ADGRF3: variants seen among roughly 807,000 people sequenced by gnomAD.
ADGRF3 encodes the protein adhesion G protein-coupled receptor F3.
Under a neutral mutation model 93.2 loss-of-function variants are expected in ADGRF3, and 85 were observed. That is an observed-to-expected ratio of 0.91 (90% CI 0.77 to 1.09). The LOEUF (loss-of-function observed/expected upper bound fraction) is 1.09, where lower values mean the gene tolerates loss of function less well. Among genes scored for constraint, ADGRF3 ranks in the 50% least tolerant of loss-of-function variants. ADGRF3 has a pLI of 0.00. For missense variants in ADGRF3, 1,125 were observed against 1,246.2 expected, an observed-to-expected ratio of 0.90 and a Z score of 1.46; for synonymous variants, 534 against 532.5, an observed-to-expected ratio of 1.00 and a Z score of -0.04.
Position 26,310,866 on chromosome 2 carries a change from A to T in ADGRF3, c.2658T>A (p.Pro886=), listed in dbSNP as rs973514464. Residue 886 remains proline, a synonymous_variant, in exon 10 of 14, where the codon CCT becomes CCA. Transcript: ENST00000651242. ...LAMAMLKLLR[P]SLSEGPPAEK... ...CTGCTGGGGGTCCCTCTGACAGCGAAGGTCTCAGCAACTTCAGCATGGCCA... is the reference window on the plus strand; with the variant it reads ...CTGCTGGGGGTCCCTCTGACAGCGATGGTCTCAGCAACTTCAGCATGGCCA... 24 of 1,612,766 alleles carry T rather than the reference A, an allele frequency of 1.5e-5. No individual in the cohort carries two copies. Among genetic ancestry groups the T allele is most frequent in the Non-Finnish European group, 2.0e-5 (24 of 1,179,404 alleles).
intron 1 of ADGRF3, among the ~76,000 whole-genome samples, chr2:26,331,908 C>A (rs1473888319): frequency 6.6e-6 from 1 of 151,874 alleles, no homozygotes; most frequent in Non-Finnish European, 1.5e-5. Flanking sequence ...AAGTTTAAAT[C>A]TGTTGTCTAT....
chr2:26,339,495 CAAACAAACAA>C (rs1168103757), intron 1 of ADGRF3, among the ~76,000 whole-genome samples: 2 of 152,120 alleles, frequency 1.3e-5, no homozygotes, highest in African/African-American at 4.8e-5. Flanking sequence ...GAATCTGACT[CAAACAAACAA>C]ACCAACAAAA....
At chr2:26,339,507 C>T (rs555549120) in intron 1 of ADGRF3, among the ~76,000 whole-genome samples, 40 of 152,132 alleles carry the variant, frequency 2.6e-4, no homozygotes, top group African/African-American at 9.4e-4. Flanking sequence ...AACAAACAAA[C>T]CAACAAAACA....
chr2:26,318,098 G>A, intron 1 of ADGRF3: 1 of 1,549,082 alleles, frequency 6.5e-7, no homozygotes, highest in Non-Finnish European at 8.7e-7. Context: ...AAGATAGGGG[G>A]ATGGGGCAGG....
chr2:26,313,401 G>T lies in ADGRF3; in HGVS notation c.1245C>A (p.Leu415=). ...CCTTGGTTCTAGTGAACAAGGCCAG[G>T]AGCCTCGCATCTGTGCAGCTGCTGT... ...PVHSSCTDAR[L]LALFTRTKLL... The change falls in exon 8 of 14, where the codon CTC becomes CTA. Residue 415 remains leucine, a synonymous_variant. Coordinates refer to ENST00000651242, the MANE Select transcript of ADGRF3 (RefSeq NM_001321971.2). 1 of 1,602,086 alleles carries T rather than the reference G, an allele frequency of 6.2e-7. No individual in the cohort carries two copies. The highest frequency in any genetic ancestry group is 1.3e-5 in the African/African-American group (1 of 74,690).
At chr2:26,313,227 T>C (rs1288266295) in intron 8 of ADGRF3, 105 bp from the exon 9 acceptor site, 2 of 1,471,852 alleles carry the variant, frequency 1.4e-6, no homozygotes, top group African/African-American at 2.8e-5. Context: ...GCCCTCTCAC[T>C]CCTACTTCCT....
rs1323627841 is a variant in ADGRF3 at position 26,315,526 on chromosome 2, C to T, written c.714G>A (p.Trp238Ter). Residue 238 changes from tryptophan to a stop codon, truncating the protein, a stop_gained, in exon 5 of 14, where the codon TGG becomes TGA. Coordinates refer to ENST00000651242, the MANE Select transcript of ADGRF3 (RefSeq NM_001321971.2). LOFTEE classifies it high-confidence loss of function. Reference sequence around the variant, plus strand: ...AGGAGAGGACAGGCTGGCTACCTGCCCAGTGATGGGACATGTTGGAGACGC... The same window carrying T: ...AGGAGAGGACAGGCTGGCTACCTGCTCAGTGATGGGACATGTTGGAGACGC... ...ALSVSNMSHH[W>*]AGEYMSCFEA... The T allele has an allele frequency of 1.3e-6, 2 of 1,550,178 alleles. No homozygotes were observed. The highest frequency in any genetic ancestry group is 1.7e-6 in the Non-Finnish European group (2 of 1,146,178).
intron 1 of ADGRF3, among the ~76,000 whole-genome samples, 177 bp from the exon 2 acceptor site, chr2:26,317,739 C>T (rs541213751): frequency 2.1e-3 from 315 of 152,324 alleles, no homozygotes; most frequent in Non-Finnish European, 3.3e-3. Flanking sequence ...AGGGATGCAA[C>T]CCCAGGAACC....
At chr2:26,343,191 A>G (rs1390617562) in intron 1 of ADGRF3, among the ~76,000 whole-genome samples, 5 of 152,104 alleles carry the variant, frequency 3.3e-5, no homozygotes, top group Admixed American at 2.0e-4. Context: ...ATCTTAAGGG[A>G]CCACATGTGG....
intron 1 of ADGRF3, chr2:26,319,069 T>C: frequency 6.5e-7 from 1 of 1,537,072 alleles, no homozygotes; most frequent in Non-Finnish European, 8.8e-7. Context: ...AAGCAGTCCC[T>C]ACAAGCCCAC....
chr2:26,329,220 T>G (rs1574724485), intron 1 of ADGRF3, among the ~76,000 whole-genome samples: 1 of 152,348 alleles, frequency 6.6e-6, no homozygotes, highest in Non-Finnish European at 1.5e-5. Flanking sequence ...ACTGCCGCCT[T>G]GACCTCGTGG....
intron 1 of ADGRF3, among the ~76,000 whole-genome samples, chr2:26,344,516 T>C (rs1258124749): frequency 3.3e-5 from 5 of 152,208 alleles, no homozygotes; most frequent in Non-Finnish European, 7.3e-5. Flanking sequence ...TGCTCATTCA[T>C]TCAATAAAAT....
chr2:26,314,488 A>C lies in ADGRF3; in HGVS notation c.854T>G (p.Phe285Cys). 6.2e-7 allele frequency: 1 copy of C among 1,614,038 alleles called. No individual in the cohort carries two copies. The change falls in exon 6 of 14, where the codon TTC (phenylalanine) becomes TGC (cysteine). Residue 285 changes from phenylalanine (F) to cysteine (C), a missense_variant. By Grantham distance (205) the Phe-to-Cys change is radical. Coordinates refer to ENST00000651242, the MANE Select transcript of ADGRF3 (RefSeq NM_001321971.2). ...LSISCATSPG[F>C]QLSCCIPSTN... is the part of the protein sequence containing the mutation. ...GCTGGGGATGCAGCAGCTCAGCTGG[A>C]AGCCAGGGGAGGTGGCACAGGAGAT... is the stretch of plus-strand genomic sequence containing the variant.
chr2:26,313,705 G>A (rs1044789044), intron 7 of ADGRF3, 55 bp downstream of exon 7: 63 of 1,604,260 alleles, frequency 3.9e-5, no homozygotes, highest in Admixed American at 1.0e-4. Context: ...AAGAGAGCCC[G>A]TGCTCCCAAG....
At chr2:26,318,177 T>A (rs1574711384) in intron 1 of ADGRF3, 2 of 1,166,958 alleles carry the variant, frequency 1.7e-6, no homozygotes, top group Non-Finnish European at 2.4e-6. Flanking sequence ...ATGGCAGTCC[T>A]TCCTCCAGGA....
At chr2:26,343,740 G>A (rs1297256126) in intron 1 of ADGRF3, among the ~76,000 whole-genome samples, 3 of 152,228 alleles carry the variant, frequency 2.0e-5, no homozygotes, top group Non-Finnish European at 4.4e-5. Flanking sequence ...ACGGCGCCCG[G>A]CCCAAATACC....
chr2:26,326,506 C>T (rs951539071), intron 1 of ADGRF3, among the ~76,000 whole-genome samples: 1 of 152,038 alleles, frequency 6.6e-6, no homozygotes, highest in Non-Finnish European at 1.5e-5. Context: ...CAGTAGTGAA[C>T]TTATTTCAAT....
intron 1 of ADGRF3, among the ~76,000 whole-genome samples, chr2:26,327,045 C>T (rs935243571): frequency 1.9e-4 from 29 of 152,388 alleles, no homozygotes; most frequent in African/African-American, 6.7e-4. Flanking sequence ...GCTGGGATTA[C>T]AGGAGTGAGC....
chr2:26,336,504 T>C (rs1179208917), intron 1 of ADGRF3, among the ~76,000 whole-genome samples: 1 of 151,520 alleles, frequency 6.6e-6, no homozygotes, highest in African/African-American at 2.4e-5. Flanking sequence ...GATGGGTGAA[T>C]CACTTGAGGT....
Sources: allele counts gnomAD v4.1 joint callset (sites outside exome capture counted in the v4.1 genomes callset), GRCh38; gene constraint gnomAD v4.1.1; transcripts MANE v1.5; gene names NCBI Gene and HGNC (gene_info 2026-07-23, HGNC 2026-07-21).